Variants in DNAH6 observed in about 807,000 individuals in gnomAD.
DNAH6 encodes axonemal beta dynein heavy chain 6.
A neutral mutation model predicts 491.4 loss-of-function variants in DNAH6; 340 were observed. That is an observed-to-expected ratio of 0.69 (90% CI 0.63 to 0.76). The LOEUF is 0.76. DNAH6 is among the 30% of genes least tolerant of loss of function. DNAH6 has a pLI of 0.00. For missense variants in DNAH6, 4,443 were observed against 4,972.2 expected (o/e 0.89, Z 3.20); for synonymous variants, 1,603 against 1,686.1 (o/e 0.95, Z 1.21).
intron 40 of DNAH6, among the ~76,000 whole-genome samples, chr2:84,676,008 C>T (rs978491737): frequency 2.0e-5 from 3 of 152,212 alleles, no homozygotes; most frequent in African/African-American, 7.2e-5. Context: ...GAATAGGTGG[C>T]ATGTTCTCTC....
chr2:84,800,896 C>G (rs760630565), intron 70 of DNAH6, among the ~76,000 whole-genome samples: 4 of 151,830 alleles, frequency 2.6e-5, no homozygotes, highest in African/African-American at 4.8e-5. Context: ...CACATATTCA[C>G]CATGGAATAC....
chr2:84,648,255 G>A (rs1690087269), intron 33 of DNAH6, among the ~76,000 whole-genome samples: 1 of 152,186 alleles, frequency 6.6e-6, no homozygotes, highest in Admixed American at 6.6e-5. Flanking sequence ...GGTCACTCAA[G>A]ACCTCTGAGG....
intron 33 of DNAH6, among the ~76,000 whole-genome samples, chr2:84,652,342 T>A (rs1488659030): frequency 1.3e-5 from 2 of 152,102 alleles, no homozygotes; most frequent in Non-Finnish European, 2.9e-5. Context: ...TCTTTAACTA[T>A]TAGAGTCATT....
At chr2:84,497,040 G>A in the DNAH6 span, among the ~76,000 whole-genome samples, 1 of 146,368 alleles carries the variant, frequency 6.8e-6, no homozygotes, top group African/African-American at 2.5e-5. Flanking sequence ...ACACGATCTT[G>A]GCTCTCTGCA....
At chr2:84,619,221 A>G (rs906731026) in intron 23 of DNAH6, among the ~76,000 whole-genome samples, 1 of 152,206 alleles carries the variant, frequency 6.6e-6, no homozygotes, top group Non-Finnish European at 1.5e-5. Flanking sequence ...AGAATGGCCC[A>G]GTACACATTC....
the DNAH6 span, among the ~76,000 whole-genome samples, chr2:84,492,273 C>A: frequency 7.9e-5 from 12 of 152,150 alleles, 1 homozygote; most frequent in African/African-American, 2.9e-4. Flanking sequence ...CCTACTGTCC[C>A]TTAGAGTAGA....
Position 84,621,360 on chromosome 2 carries a change from C to T in DNAH6, c.3957+5C>T. ...GTTGCTGGCCACCCTTCTCAAGTAA[C>T]TCACACTCACATTTCATATCCCTGA... On this transcript the variant is annotated splice_donor_5th_base_variant and intron_variant, in intron 25 of 76. Coordinates refer to ENST00000389394, the MANE Select transcript of DNAH6 (RefSeq NM_001370.2). The T allele has an allele frequency of 6.4e-7, 1 of 1,551,278 alleles. No homozygotes were observed.
intron 72 of DNAH6, among the ~76,000 whole-genome samples, chr2:84,812,015 A>G (rs1045257638): frequency 1.3e-5 from 2 of 151,620 alleles, no homozygotes; most frequent in Non-Finnish European, 2.9e-5. Context: ...AGTCAGGCCT[A>G]TTTTTCTTTT....
intron 4 of DNAH6, among the ~76,000 whole-genome samples, chr2:84,542,377 A>G (rs943184026): frequency 6.6e-6 from 1 of 152,246 alleles, no homozygotes; most frequent in South Asian, 2.1e-4. Context: ...AAAAGGAAAG[A>G]CATGTAAAAT....
chr2:84,546,643 A>G (rs1033449449), intron 5 of DNAH6, among the ~76,000 whole-genome samples: 1 of 152,172 alleles, frequency 6.6e-6, no homozygotes, highest in African/African-American at 2.4e-5. Context: ...TTGTCCATCT[A>G]TTGATGGATA....
chr2:84,501,453 C>A, the DNAH6 span, among the ~76,000 whole-genome samples: 1 of 151,388 alleles, frequency 6.6e-6, no homozygotes, highest in African/African-American at 2.4e-5. Context: ...TTTCTTACAT[C>A]AAAATTTATC....
intron 21 of DNAH6, among the ~76,000 whole-genome samples, chr2:84,610,789 A>C (rs1686249028): frequency 6.6e-6 from 1 of 152,234 alleles, no homozygotes; most frequent in African/African-American, 2.4e-5. Flanking sequence ...CTTCTTCAAC[A>C]AACCACATTG....
At chr2:84,614,458 A>T (rs568858154) in intron 22 of DNAH6, among the ~76,000 whole-genome samples, 1 of 152,260 alleles carries the variant, frequency 6.6e-6, no homozygotes, top group Non-Finnish European at 1.5e-5. Context: ...GGCTGGTTCC[A>T]TATTTTTGCA....
intron 22 of DNAH6, among the ~76,000 whole-genome samples, chr2:84,615,473 C>T (rs1409266708): frequency 6.6e-6 from 1 of 152,046 alleles, no homozygotes; most frequent in African/African-American, 2.4e-5. Context: ...AATGTGATGC[C>T]TCCAGATTTG....
chr2:84,774,673 G>A (rs1316407386), intron 64 of DNAH6, among the ~76,000 whole-genome samples: 1 of 152,006 alleles, frequency 6.6e-6, no homozygotes, highest in African/African-American at 2.4e-5. Context: ...GATTCTTCAA[G>A]TGAATTAGCA....
At chr2:84,525,481 G>A (rs980116894) in intron 2 of DNAH6, 84 bp from the exon 3 acceptor site, 3 of 1,340,106 alleles carry the variant, frequency 2.2e-6, no homozygotes, top group Non-Finnish European at 3.1e-6. Context: ...TTTCCAACAG[G>A]AGAAAGAGTC....
At chr2:84,718,457 C>A in intron 59 of DNAH6, 73 bp downstream of exon 59, 1 of 1,266,824 alleles carries the variant, frequency 7.9e-7, no homozygotes, top group Non-Finnish European at 1.0e-6. Context: ...TTTGAGGGTC[C>A]TGCAAGGGCT....
At chr2:84,743,904 G>C (rs1672736152) in intron 62 of DNAH6, among the ~76,000 whole-genome samples, 1 of 152,018 alleles carries the variant, frequency 6.6e-6, no homozygotes, top group African/African-American at 2.4e-5. Flanking sequence ...TCATTTCCTG[G>C]AGTCCTAATG....
chr2:84,518,992 C>T (rs1399831321), intron 2 of DNAH6, among the ~76,000 whole-genome samples: 1 of 152,104 alleles, frequency 6.6e-6, no homozygotes, highest in African/African-American at 2.4e-5. Flanking sequence ...CTGCAGTAAG[C>T]TGTGCTTATA....
Sources: allele counts gnomAD v4.1 joint callset (sites outside exome capture counted in the v4.1 genomes callset), GRCh38; gene constraint gnomAD v4.1.1; transcripts MANE v1.5; gene names NCBI Gene and HGNC (gene_info 2026-07-23, HGNC 2026-07-21).